Variants in LPIN3 observed in about 807,000 individuals in gnomAD.
LPIN3 encodes lipin 3.
A neutral mutation model predicts 94.7 loss-of-function variants in LPIN3; 82 were observed. That is an observed-to-expected ratio of 0.87 (90% CI 0.72 to 1.04). LPIN3 has a LOEUF of 1.04. LPIN3 is among the 50% of genes least tolerant of loss of function. The pLI, the probability that LPIN3 is intolerant of heterozygous loss-of-function variation, is 0.00. For missense variants in LPIN3, 996 were observed against 1,090.5 expected, an observed-to-expected ratio of 0.91 and a Z score of 1.22; for synonymous variants, 418 against 443.3, an observed-to-expected ratio of 0.94 and a Z score of 0.72.
In LPIN3 at chr20:41,347,451, G is replaced by A. The variant is rs1326568570; in HGVS notation, c.193-101G>A. 1.8e-5 allele frequency: 20 copies of A among 1,094,798 alleles called. No homozygotes were observed. In the South Asian group the frequency reaches 2.6e-4, roughly 14 times the overall value. 67.8% of individuals were successfully genotyped at this position (1,094,798 alleles called of 1,614,324 possible). A position where few individuals can be genotyped will look rare whatever the true frequency, so the allele number is the denominator to read the frequency against. ...GGGAGGGAACCCCAGCAAGTATGGT[G>A]TTTGGGGCGGCAAGGAGCCACTGGA... On this transcript the variant is annotated intron_variant, in intron 2 of 19. Coordinates refer to ENST00000373257, the MANE Select transcript of LPIN3 (RefSeq NM_022896.3).
Position 41,354,677 on chromosome 20 carries a change from GC to G in LPIN3, c.1564del (p.Arg522GlyfsTer40), listed in dbSNP as rs750821538. Reference protein sequence around the residue: ...TMDKLEREKMPRKGGRWWFSW... With the variant: ...TMDKLEREKMXRKGGRWWFSW... ...TGGACAAGCTGGAGAGGGAGAAGAT[GC>G]CCCGGAAGGGTGGGCGATGGTGGTT... On this transcript the variant is annotated frameshift_variant, in exon 12 of 20. Transcript: ENST00000373257. LOFTEE classifies it high-confidence loss of function. The G allele has an allele frequency of 2.5e-6, 4 of 1,600,214 alleles. No individual in the cohort carries two copies. The Admixed American group carries it at 6.8e-5, about 27-fold the overall frequency.
intron 1 of LPIN3, among the ~76,000 whole-genome samples, chr20:41,342,454 G>T (rs78550652): frequency 6.6e-6 from 1 of 152,132 alleles, no homozygotes; most frequent in Non-Finnish European, 1.5e-5. Context: ...AGGGGTATTC[G>T]GCTTCCTGGG....
In LPIN3 at chr20:41,358,320, C is replaced by A. The variant is rs763140777; in HGVS notation, c.2276C>A (p.Pro759His). 7 of 1,614,082 alleles carry A rather than the reference C, an allele frequency of 4.3e-6. No homozygotes were observed. In the Admixed American group the frequency reaches 6.7e-5, roughly 15 times the overall value. ...IQQLFLPHGQPFYAAFGNRPN... is the reference protein window; with the variant it reads ...IQQLFLPHGQHFYAAFGNRPN... ...CAGCTGTTTCTGCCCCACGGACAGC[C>A]CTTCTATGCTGCCTTTGGGAATAGG... Residue 759 changes from proline to histidine, a missense_variant, in exon 18 of 20, where the codon CCC (proline) becomes CAC (histidine). Transcript: ENST00000373257.
chr20:41,353,799 C>T (rs1400961903), intron 11 of LPIN3, among the ~76,000 whole-genome samples: 11 of 152,254 alleles, frequency 7.2e-5, no homozygotes, highest in Non-Finnish European at 1.3e-4. Flanking sequence ...GCATCACTAA[C>T]AGATGTTGAC....
intron 14 of LPIN3, 99 bp from the exon 15 acceptor site, chr20:41,356,941 T>G: frequency 7.2e-7 from 1 of 1,383,968 alleles, no homozygotes; most frequent in Non-Finnish European, 1.0e-6. Flanking sequence ...AAGAGGAGAA[T>G]GAGAGGCCCG....
chr20:41,347,661 C>T lies in LPIN3; in HGVS notation c.288+14C>T, dbSNP rs753266864. ...GAGAGCGATGATGTGAGTCTGCCCT[C>T]CTAACAGCACCTGCCCCGCCCACCC... On this transcript the variant is annotated intron_variant, in intron 3 of 19. Coordinates refer to ENST00000373257, the MANE Select transcript of LPIN3 (RefSeq NM_022896.3). 3 of 1,601,692 alleles carry T rather than the reference C, an allele frequency of 1.9e-6. No homozygotes were observed. The highest frequency in any genetic ancestry group is 1.1e-5 in the South Asian group (1 of 89,896).
chr20:41,346,100 A>T (rs892585964), intron 2 of LPIN3, 105 bp downstream of exon 2: 79 of 1,185,428 alleles, frequency 6.7e-5, no homozygotes, highest in Non-Finnish European at 8.8e-5. Flanking sequence ...TTAGGTGGGG[A>T]TCTGTCCTCT....
chr20:41,345,647 T>G, intron 1 of LPIN3, 149 bp from the exon 2 acceptor site: 1 of 802,034 alleles, frequency 1.2e-6, no homozygotes. Context: ...CAGGTGTACC[T>G]CCCATCGCAC....
At chr20:41,347,506 C>T (rs2045824065) in intron 2 of LPIN3, 46 bp from the exon 3 acceptor site, 3 of 1,582,046 alleles carry the variant, frequency 1.9e-6, no homozygotes, top group Non-Finnish European at 2.6e-6. Flanking sequence ...TGGTCGGAAG[C>T]ATGGGCGTGA....
At position 41,354,750 on chromosome 20, in the gene LPIN3, A is replaced by G. The variant is rs772545527; in HGVS notation, c.1620+13A>G. 3.1e-6 allele frequency: 5 copies of G among 1,607,076 alleles called. No homozygotes were observed. The highest frequency in any genetic ancestry group is 1.7e-5 in the Admixed American group (1 of 59,062). The stretch of plus-strand genomic sequence containing the variant: ...CCTGGCCGAGGAGGTGGGTGGTCAC[A>G]GTCGAGGGCCAGGGCCAGGGCCAGC... On this transcript the variant is annotated intron_variant, in intron 12 of 19. Coordinates refer to ENST00000373257, the MANE Select transcript of LPIN3 (RefSeq NM_022896.3).
Position 41,349,789 on chromosome 20 carries a change from G to A in LPIN3, c.654G>A (p.Glu218=), listed in dbSNP as rs552696745. 1.2e-6 allele frequency: 2 copies of A among 1,613,486 alleles called. No individual in the cohort carries two copies. Among genetic ancestry groups the A allele is most frequent in the South Asian group, 1.1e-5 (1 of 91,044 alleles). Residue 218 remains glutamate, a synonymous_variant, in exon 6 of 20, where the codon GAG becomes GAA. Transcript: ENST00000373257. ...WPPQASLSAG[E]LTSPKSDSEL... is the part of the protein sequence containing the mutation. ...TCTCCTGCAGCCTCTCAGCAGGTGA[G>A]CTAACATCCCCTAAGAGCGACTCGG...
rs1177745517 is a variant in LPIN3, at chr20:41,355,958, T to C, written c.1727T>C (p.Ile576Thr). The change falls in exon 14 of 20, where the codon ATC becomes ACC. Residue 576 changes from isoleucine (I) to threonine (T), a missense_variant. Ile to Thr is a moderately conservative substitution (Grantham distance 89). Coordinates refer to ENST00000373257, the MANE Select transcript of LPIN3 (RefSeq NM_022896.3). Reference protein sequence around the residue: ...DAPDSPVILEIPSLPPSTPPS... With the variant: ...DAPDSPVILETPSLPPSTPPS... ...CCAGACAGCCCTGTGATCCTGGAGA[T>C]CCCCTCCTTGCCACCCTCCACTCCA... 2 of 1,613,850 alleles carry C rather than the reference T, an allele frequency of 1.2e-6. No individual in the cohort carries two copies. The highest frequency in any genetic ancestry group is 1.7e-6 in the Non-Finnish European group (2 of 1,179,962).
At chr20:41,351,709 A>G (rs1176697587) in intron 7 of LPIN3, 112 bp from the exon 8 acceptor site, 2 of 870,936 alleles carry the variant, frequency 2.3e-6, no homozygotes, top group Non-Finnish European at 3.7e-6. Flanking sequence ...GTATCACTGC[A>G]GAAGGTTCTG....
chr20:41,349,979 G>C, intron 6 of LPIN3, 76 bp from the exon 7 acceptor site: 1 of 1,559,390 alleles, frequency 6.4e-7, no homozygotes, highest in South Asian at 1.2e-5. Flanking sequence ...ACTGAAACTC[G>C]GGCCACTGCC....
chr20:41,353,506 T>G (rs1209240434), intron 11 of LPIN3, among the ~76,000 whole-genome samples: 1 of 152,132 alleles, frequency 6.6e-6, no homozygotes, highest in Admixed American at 6.5e-5. Context: ...GATAAGCAAG[T>G]GCCCGCTGTG....
chr20:41,356,936 G>A, intron 14 of LPIN3, 104 bp from the exon 15 acceptor site: 4 of 1,325,558 alleles, frequency 3.0e-6, no homozygotes, highest in Admixed American at 3.9e-5. Flanking sequence ...GGAGGAAGAG[G>A]AGAATGAGAG....
intron 3 of LPIN3, 32 bp downstream of exon 3, chr20:41,347,679 G>T (rs201127343): frequency 3.8e-6 from 6 of 1,567,224 alleles, no homozygotes; most frequent in Non-Finnish European, 5.2e-6. Context: ...CACCTGCCCC[G>T]CCCACCCCTT....
rs751358535 is a variant in LPIN3, at chr20:41,357,468, T to G, written c.2039+21T>G. On this transcript the variant is annotated intron_variant, in intron 16 of 19. Transcript: ENST00000373257. ...CAACTGTGAGTGCCTGGGCTGGGGC[T>G]GGGGCTGAGGCGAGGCCCCCAGCTC... 1.9e-6 allele frequency: 3 copies of G among 1,600,060 alleles called. No individual in the cohort carries two copies. In the Admixed American group the frequency reaches 5.0e-5, roughly 27 times the overall value.
Position 41,349,130 on chromosome 20 carries a change from A to G in LPIN3, c.596A>G (p.Asp199Gly). Residue 199 changes from aspartate (D) to glycine (G), a missense_variant, in exon 5 of 20, where the codon GAC (aspartate) becomes GGC (glycine). By Grantham distance (94) the Asp-to-Gly change is moderately conservative (BLOSUM62 -1). Transcript: ENST00000373257. The part of the protein sequence containing the change: ...LEEKSSLQPK[D>G]IYPYSDGEWP... ...GAGAAGTCTTCACTGCAGCCCAAAG[A>G]CATCTACCCCTACTCGGATGGCGAG... The G allele has an allele frequency of 6.2e-7, 1 of 1,614,138 alleles. No homozygotes were observed.
Sources: gnomAD v4.1 joint callset for allele counts (sites outside exome capture counted in the v4.1 genomes callset) on GRCh38, gnomAD v4.1.1 for gene constraint, MANE v1.5 for transcripts, NCBI Gene and HGNC (gene_info 2026-07-23, HGNC 2026-07-21) for gene names.